CRISPLD2: variants seen among roughly 807,000 people sequenced by gnomAD.
CRISPLD2 encodes the protein cysteine rich secretory protein LCCL domain containing 2, also known as cysteine-rich secretory protein LCCL domain-containing 2.
In CRISPLD2, 47 loss-of-function variants were observed where a neutral mutation model predicts 71.1. The observed-to-expected ratio is 0.66, with a 90% CI of 0.52 to 0.84. The LOEUF is 0.84. Among genes scored for constraint, CRISPLD2 ranks in the 40% least tolerant of loss-of-function variants. The pLI is 0.00. For missense variants in CRISPLD2, 830 were observed against 651.1 expected (o/e 1.27, Z -2.99); for synonymous variants, 317 against 250.1 (o/e 1.27, Z -2.52).
chr16:84,849,729 T>TTC (rs397705997), intron 4 of CRISPLD2, among the ~76,000 whole-genome samples: 2 of 151,620 alleles, frequency 1.3e-5, no homozygotes, highest in Non-Finnish European at 2.9e-5. Context: ...CTCTTTTTTT[T>TTC]CTTTGAGGCA....
At chr16:84,835,340 C>A (rs557256251) in intron 1 of CRISPLD2, among the ~76,000 whole-genome samples, 1 of 152,182 alleles carries the variant, frequency 6.6e-6, no homozygotes, top group African/African-American at 2.4e-5. Flanking sequence ...CTGCCTCGGC[C>A]TCCCAAAGTG....
chr16:84,900,592 C>T (rs539130918), intron 14 of CRISPLD2, among the ~76,000 whole-genome samples: 3 of 151,748 alleles, frequency 2.0e-5, no homozygotes, highest in African/African-American at 4.9e-5. Context: ...TGTCATTGTC[C>T]GGGGAGTCTG....
chr16:84,897,049 C>T (rs1317455267), intron 14 of CRISPLD2, among the ~76,000 whole-genome samples: 3 of 152,228 alleles, frequency 2.0e-5, no homozygotes, highest in African/African-American at 4.8e-5. Flanking sequence ...TGCAGCCCCA[C>T]GTGCCTGTCC....
intron 10 of CRISPLD2, chr16:84,873,323 C>A: frequency 2.2e-6 from 1 of 453,634 alleles, no homozygotes; most frequent in Non-Finnish European, 3.8e-6. Flanking sequence ...ACTAAAAATA[C>A]AAAAGTTAGC....
chr16:84,834,247 G>T (rs867171417), intron 1 of CRISPLD2, among the ~76,000 whole-genome samples: 2 of 152,244 alleles, frequency 1.3e-5, no homozygotes, highest in Non-Finnish European at 2.9e-5. Context: ...TTCCCCGGCG[G>T]CCCCCTTCGC....
At position 84,838,724 on chromosome 16, in the gene CRISPLD2, A is replaced by AT; in HGVS notation, c.230dup (p.Met77IlefsTer8). 1 of 1,613,302 alleles carries AT rather than the reference A, an allele frequency of 6.2e-7. No homozygotes were observed. The highest frequency in any genetic ancestry group is 8.5e-7 in the Non-Finnish European group (1 of 1,179,902). On this transcript the variant is annotated frameshift_variant, in exon 2 of 15. Transcript: ENST00000262424. LOFTEE classifies it high-confidence loss of function. The stretch of plus-strand genomic sequence containing the variant: ...CCAGGTGCAGCCTCAGGCCTCCAAC[A>AT]TGGAGTACATGGTGAGCGCCGGCTC...
chr16:84,909,371 G>GT lies in CRISPLD2; in HGVS notation c.*2735dup, dbSNP rs1260307495. On this transcript the variant is annotated 3_prime_UTR_variant, in exon 15 of 15. Transcript: ENST00000262424. ...CTGTGTACAAAGTTTTATTGTAAAT[G>GT]TTTTTTGTGCTTTGCATGAACAGGG... The GT allele has an allele frequency of 3.3e-5, 5 of 152,770 alleles. No homozygotes were observed. Among genetic ancestry groups the GT allele is most frequent in the South Asian group, 2.1e-4 (1 of 4,828 alleles). The allele number at this position is 152,770 out of a possible 1,614,324, so 9.5% of individuals were successfully genotyped here.
At chr16:84,828,639 T>C (rs888647083) in intron 1 of CRISPLD2, among the ~76,000 whole-genome samples, 1 of 152,180 alleles carries the variant, frequency 6.6e-6, no homozygotes, top group African/African-American at 2.4e-5. Context: ...CCAGGAGTTA[T>C]GTCCTGGGGT....
In CRISPLD2 at chr16:84,871,884, A is replaced by T. The variant is rs928158355; in HGVS notation, c.915-558A>T. 4.0e-3 allele frequency among the ~76,000 whole-genome samples: 429 copies of T among 108,088 alleles called. 2 individuals carry two copies. Among genetic ancestry groups the T allele is most frequent in the African/African-American group, 0.012 (414 of 34,366 alleles). 70.9% of individuals were successfully genotyped at this position (108,088 alleles called of 152,430 possible). On this transcript the variant is annotated intron_variant, in intron 8 of 14. Transcript: ENST00000262424. ...TTTTCAAATGAGAAAAAAAAAAAAA[A>T]AAAAAAAAAAAAAAAGACTATGGTT...
At chr16:84,872,651 T>C in intron 9 of CRISPLD2, 143 bp downstream of exon 9, 1 of 757,752 alleles carries the variant, frequency 1.3e-6, no homozygotes, top group South Asian at 1.8e-5. Flanking sequence ...GGCGGGTGTA[T>C]ATTTATGGGC....
chr16:84,903,634 C>G (rs1318747347), intron 14 of CRISPLD2, among the ~76,000 whole-genome samples: 2 of 150,950 alleles, frequency 1.3e-5, no homozygotes, highest in South Asian at 2.1e-4. Flanking sequence ...GACTTAGTGA[C>G]TTTGTCACAC....
At position 84,880,525 on chromosome 16, in the gene CRISPLD2, CACTGCAAAGACGA is replaced by C; in HGVS notation, c.1249_1261del (p.Cys417LeufsTer39). The stretch of plus-strand genomic sequence containing the variant: ...GTTTTTCAGAATCCATTGTCCGGCA[CACTGCAAAGACGA>C]ACCTTCCTACTGGGCTCCGGTGTTT... On this transcript the variant is annotated frameshift_variant, in exon 13 of 15. Coordinates refer to ENST00000262424, the MANE Select transcript of CRISPLD2 (RefSeq NM_031476.4). LOFTEE classifies it high-confidence loss of function. 6.2e-7 allele frequency: 1 copy of C among 1,613,480 alleles called. No individual in the cohort carries two copies. Among genetic ancestry groups the C allele is most frequent in the Non-Finnish European group, 8.5e-7 (1 of 1,179,608 alleles).
chr16:84,845,705 G>T (rs1246363938), intron 2 of CRISPLD2, 81 bp from the exon 3 acceptor site: 2 of 929,060 alleles, frequency 2.2e-6, no homozygotes, highest in Admixed American at 3.9e-5. Context: ...AGGAGCCCAG[G>T]CTGGGGCGTT....
At chr16:84,841,085 G>C (rs1916758233) in intron 2 of CRISPLD2, among the ~76,000 whole-genome samples, 2 of 152,216 alleles carry the variant, frequency 1.3e-5, no homozygotes, top group Non-Finnish European at 1.5e-5. Context: ...CACTGTCCTG[G>C]ATTCCCGGAA....
chr16:84,824,536 A>T (rs1916304691), intron 1 of CRISPLD2, among the ~76,000 whole-genome samples: 1 of 152,136 alleles, frequency 6.6e-6, no homozygotes, highest in South Asian at 2.1e-4. Context: ...TGCTTATGGC[A>T]AGGTGAAAGT....
At chr16:84,903,886 G>A (rs907249946) in intron 14 of CRISPLD2, among the ~76,000 whole-genome samples, 1 of 152,236 alleles carries the variant, frequency 6.6e-6, no homozygotes, top group Non-Finnish European at 1.5e-5. Flanking sequence ...TCTGAGCCTG[G>A]GACCGCTCCT....
rs927020187 is a variant in CRISPLD2 at position 84,873,858 on chromosome 16, T to A, written c.1113-62T>A. 18 of 1,469,386 alleles carry A rather than the reference T, an allele frequency of 1.2e-5. No individual in the cohort carries two copies. In the African/African-American group the frequency reaches 2.3e-4, roughly 19 times the overall value. 91.0% of individuals were successfully genotyped at this position (1,469,386 alleles called of 1,614,324 possible). On this transcript the variant is annotated intron_variant, in intron 10 of 14. Coordinates refer to ENST00000262424, the MANE Select transcript of CRISPLD2 (RefSeq NM_031476.4). ...TAAGTATAGGAGCAAGCGTTCACTT[T>A]TAGAAGCAATTCTATTTGCATTTAC...
chr16:84,822,186 G>C (rs577712996), intron 1 of CRISPLD2, among the ~76,000 whole-genome samples: 32 of 147,000 alleles, frequency 2.2e-4, no homozygotes, highest in Middle Eastern at 7.3e-3. Flanking sequence ...GGTACTGAGA[G>C]CCCCGTCCCA....
rs114299959 is a variant in CRISPLD2 at position 84,874,997 on chromosome 16, T to G, written c.1156+1034T>G. ...AGCTGACACCTGTAATCTCAGCACTTTGGGAGACTGAGGCGGGAGGATTGC... is the reference window on the plus strand; with the variant it reads ...AGCTGACACCTGTAATCTCAGCACTGTGGGAGACTGAGGCGGGAGGATTGC... On this transcript the variant is annotated intron_variant, in intron 11 of 14. Coordinates refer to ENST00000262424, the MANE Select transcript of CRISPLD2 (RefSeq NM_031476.4). 2.1e-3 allele frequency among the ~76,000 whole-genome samples: 320 copies of G among 152,246 alleles called. 1 individual carries two copies. The highest frequency in any genetic ancestry group is 7.3e-3 in the African/African-American group (302 of 41,536).
Sources: gnomAD v4.1 joint callset for allele counts (sites outside exome capture counted in the v4.1 genomes callset) on GRCh38, gnomAD v4.1.1 for gene constraint, MANE v1.5 for transcripts, NCBI Gene and HGNC (gene_info 2026-07-23, HGNC 2026-07-21) for gene names.